Variants in GRIP2 observed in about 807,000 individuals in gnomAD.
The protein encoded by GRIP2 is glutamate receptor-interacting protein 2.
Under a neutral mutation model 108.3 loss-of-function variants are expected in GRIP2, and 58 were observed. The ratio of observed to expected loss-of-function variants is 0.54; its 90% CI spans 0.43 to 0.67. GRIP2 has a LOEUF of 0.67. GRIP2 is among the 30% of genes least tolerant of loss of function. The probability of loss-of-function intolerance (pLI) is 0.00; values close to 1 mark genes in which losing one functional copy is unlikely to be tolerated. For missense variants in GRIP2, 1,278 were observed against 1,430.6 expected (o/e 0.89, Z 1.72); for synonymous variants, 586 against 598.2 (o/e 0.98, Z 0.30).
chr3:14,593,227 A>G, the GRIP2 span, among the ~76,000 whole-genome samples: 1 of 152,206 alleles, frequency 6.6e-6, no homozygotes, highest in Non-Finnish European at 1.5e-5. Context: ...TTTGGCTTAC[A>G]TCTTGAGAGA....
At chr3:14,594,392 G>A in the GRIP2 span, among the ~76,000 whole-genome samples, 4 of 152,078 alleles carry the variant, frequency 2.6e-5, no homozygotes, top group East Asian at 1.9e-4. Context: ...GTAGGGAAGC[G>A]GTGACGTGCT....
intron 1 of GRIP2, among the ~76,000 whole-genome samples, chr3:14,551,488 T>C (rs979478325): frequency 6.6e-5 from 10 of 151,570 alleles, no homozygotes; most frequent in South Asian, 2.1e-4. Context: ...GAGGATGGGG[T>C]ATGGATGGAG....
At chr3:14,552,457 T>A (rs1559356309) in intron 1 of GRIP2, among the ~76,000 whole-genome samples, 1 of 152,170 alleles carries the variant, frequency 6.6e-6, no homozygotes, top group African/African-American at 2.4e-5. Context: ...AAATATTTGT[T>A]GAATGAGTAA....
chr3:14,503,507 C>T, intron 21 of GRIP2, 59 bp downstream of exon 21: 1 of 1,208,248 alleles, frequency 8.3e-7, no homozygotes, highest in East Asian at 2.5e-5. Flanking sequence ...CCATTGCACA[C>T]ACACCAGAGT....
chr3:14,593,255 G>C, the GRIP2 span, among the ~76,000 whole-genome samples: 1 of 152,146 alleles, frequency 6.6e-6, no homozygotes, highest in African/African-American at 2.4e-5. Flanking sequence ...TTGTATTATG[G>C]AGAAAAAAAC....
chr3:14,543,737 C>T (rs1324005959), upstream of GRIP2, among the ~76,000 whole-genome samples: 4 of 152,178 alleles, frequency 2.6e-5, no homozygotes, highest in East Asian at 1.9e-4. Context: ...GGGTGACATG[C>T]GAGGGGGCTG....
chr3:14,510,294 G>GCT (rs1036729455), intron 16 of GRIP2, among the ~76,000 whole-genome samples: 1 of 122,778 alleles, frequency 8.1e-6, no homozygotes, highest in African/African-American at 3.0e-5. Context: ...ACAGAGTCTT[G>GCT]CTCTGCTGCC....
rs1004794369 is a variant in GRIP2, at chr3:14,524,382, A to T, written c.403+11T>A. On this transcript the variant is annotated intron_variant, in intron 4 of 23. Transcript: ENST00000621039. ...GGCAGTGGAGAAAGTTCCCCGTCCA[A>T]GGGCACCCACCGGGCGGGGGCAGCT... is the stretch of plus-strand genomic sequence containing the variant. 2 of 1,608,070 alleles carry T rather than the reference A, an allele frequency of 1.2e-6. No homozygotes were observed. The highest frequency in any genetic ancestry group is 2.7e-5 in the African/African-American group (2 of 74,838).
the GRIP2 span, among the ~76,000 whole-genome samples, chr3:14,596,467 C>A: frequency 5.3e-5 from 8 of 152,180 alleles, no homozygotes; most frequent in African/African-American, 1.7e-4. Context: ...ATAAGGCCCA[C>A]ATTCTCTGGT....
intron 1 of GRIP2, among the ~76,000 whole-genome samples, chr3:14,533,640 G>A (rs1247495184): frequency 6.6e-6 from 1 of 152,100 alleles, no homozygotes; most frequent in Non-Finnish European, 1.5e-5. Flanking sequence ...CATGCCCTGG[G>A]TCTCCGTGGT....
rs1370799802 is a variant in GRIP2 at position 14,490,565 on chromosome 3, C to G, written c.*3100G>C. On this transcript the variant is annotated 3_prime_UTR_variant, in exon 24 of 24. Coordinates refer to ENST00000621039, the MANE Select transcript of GRIP2 (RefSeq NM_001080423.4). ...CTTCCCAACCTGGGCTAAAGAGACT[C>G]CATATGCAGGCACCACTGCCTGCCT... 1.3e-5 allele frequency: 2 copies of G among 152,422 alleles called. No homozygotes were observed. The highest frequency in any genetic ancestry group is 1.5e-5 in the Non-Finnish European group (1 of 68,182). The allele number at this position is 152,422 out of a possible 1,614,324, so 9.4% of individuals were successfully genotyped here. A position where few individuals can be genotyped will look rare whatever the true frequency, so the allele number is the denominator to read the frequency against.
At chr3:14,519,430 C>T (rs1487197514) in intron 9 of GRIP2, among the ~76,000 whole-genome samples, 2 of 152,192 alleles carry the variant, frequency 1.3e-5, no homozygotes, top group Non-Finnish European at 2.9e-5. Flanking sequence ...ATTAGAAGTC[C>T]TCCCTCCTTT....
At position 14,507,494 on chromosome 3, in the gene GRIP2, C is replaced by T. The variant is rs1445633679; in HGVS notation, c.2218+67G>A. The stretch of plus-strand genomic sequence containing the variant: ...ACTCTGTGAGGGTGTGCAGGCAAAG[C>T]CTGGCACAGAGGGATTGCCCTTCCT... On this transcript the variant is annotated intron_variant, in intron 18 of 23. Transcript: ENST00000621039. This position sits in a 1 kb window ranked among gnomAD's most constrained non-coding sequence, Gnocchi z 4.6. 1.9e-6 allele frequency: 3 copies of T among 1,574,644 alleles called. No homozygotes were observed. Among genetic ancestry groups the T allele is most frequent in the Non-Finnish European group, 2.6e-6 (3 of 1,148,142 alleles).
chr3:14,561,497 A>G, the GRIP2 span, among the ~76,000 whole-genome samples: 2 of 152,222 alleles, frequency 1.3e-5, no homozygotes, highest in Non-Finnish European at 2.9e-5. Flanking sequence ...CCAGGATTCA[A>G]ACACAGGACT....
At chr3:14,595,894 C>T in the GRIP2 span, among the ~76,000 whole-genome samples, 1 of 152,264 alleles carries the variant, frequency 6.6e-6, no homozygotes, top group East Asian at 1.9e-4. Flanking sequence ...ATTTCATTCA[C>T]CACTCACCTA....
At chr3:14,590,269 T>C in the GRIP2 span, among the ~76,000 whole-genome samples, 1 of 152,204 alleles carries the variant, frequency 6.6e-6, no homozygotes, top group Non-Finnish European at 1.5e-5. Context: ...GTTCCCAGGC[T>C]CCTGGACGCT....
chr3:14,517,754 G>C lies in GRIP2; in HGVS notation c.1156+18C>G, dbSNP rs982917487. 4.3e-6 allele frequency: 7 copies of C among 1,609,554 alleles called. No individual in the cohort carries two copies. The African/African-American group carries it at 9.4e-5, about 22-fold the overall frequency. On this transcript the variant is annotated intron_variant, in intron 10 of 23. Coordinates refer to ENST00000621039, the MANE Select transcript of GRIP2 (RefSeq NM_001080423.4). ...AGGCTACAAGACTGGCTGAGCTACAGCAGGGCAGGCACATTACATCGGCTT... is the reference window on the plus strand; with the variant it reads ...AGGCTACAAGACTGGCTGAGCTACACCAGGGCAGGCACATTACATCGGCTT...
rs911590479 is a variant in GRIP2, at chr3:14,512,452, A to C, written c.1720+325T>G. ...CTTTGCTGGGCTCTGAGAACACAGA[A>C]GCAGGCAGAAAACCAAACCCAGCCT... On this transcript the variant is annotated intron_variant, in intron 14 of 23. Transcript: ENST00000621039. This position sits in a 1 kb window ranked among gnomAD's most constrained non-coding sequence, Gnocchi z 5.1. 6.6e-6 allele frequency among the ~76,000 whole-genome samples: 1 copy of C among 152,156 alleles called. No individual in the cohort carries two copies. Among genetic ancestry groups the C allele is most frequent in the Non-Finnish European group, 1.5e-5 (1 of 68,028 alleles).
At chr3:14,519,736 T>C (rs13078794) in intron 9 of GRIP2, among the ~76,000 whole-genome samples, 58,322 of 151,986 alleles carry the variant, frequency 0.38, 12,090 homozygotes, top group South Asian at 0.59. Flanking sequence ...CCTCTCTAAC[T>C]TCCCAGCTGC....
Sources: gnomAD v4.1 joint callset for allele counts (sites outside exome capture counted in the v4.1 genomes callset) on GRCh38, gnomAD v4.1.1 for gene constraint, Gnocchi (gnomAD v3.1) non-coding constraint, MANE v1.5 for transcripts, NCBI Gene and HGNC (gene_info 2026-07-23, HGNC 2026-07-21) for gene names.